The following FAM135B variants were observed in gnomAD, a reference collection of about 807,000 sequenced individuals.
FAM135B encodes family with sequence similarity 135 member B.
A neutral mutation model predicts 127.7 loss-of-function variants in FAM135B; 43 were observed. That is an observed-to-expected ratio of 0.34 (90% CI 0.26 to 0.43). The LOEUF (loss-of-function observed/expected upper bound fraction) is 0.43. Ranked by LOEUF, FAM135B falls within the 20% of genes least tolerant of loss-of-function variation. The pLI is 1.00. For missense variants in FAM135B, 1,558 were observed against 1,725.6 expected (o/e 0.90, Z 1.72); for synonymous variants, 670 against 665.1 (o/e 1.01, Z -0.11).
intron 1 of FAM135B, among the ~76,000 whole-genome samples, chr8:138,423,660 A>T (rs1274141412): frequency 6.6e-6 from 1 of 152,170 alleles, no homozygotes; most frequent in Non-Finnish European, 1.5e-5. Flanking sequence ...GGGCAAAATT[A>T]AAATTGCTAA....
intron 12 of FAM135B, among the ~76,000 whole-genome samples, chr8:138,156,377 T>A (rs760732316): frequency 1.0e-3 from 154 of 152,056 alleles, no homozygotes; most frequent in Admixed American, 2.3e-3. Flanking sequence ...AACATCACAC[T>A]TAAAAGAACT....
chr8:138,159,520 C>T (rs1178544358), intron 12 of FAM135B, among the ~76,000 whole-genome samples: 2 of 149,700 alleles, frequency 1.3e-5, no homozygotes, highest in Admixed American at 6.7e-5. Context: ...AACCAAACAC[C>T]ACATGTTCTC....
chr8:138,188,204 G>C (rs1815762659), intron 9 of FAM135B, among the ~76,000 whole-genome samples: 1 of 152,164 alleles, frequency 6.6e-6, no homozygotes, highest in Non-Finnish European at 1.5e-5. Flanking sequence ...TCATAGAACA[G>C]GTATAGTAAG....
intron 1 of FAM135B, among the ~76,000 whole-genome samples, chr8:138,488,832 A>G (rs768587974): frequency 6.6e-6 from 1 of 151,888 alleles, no homozygotes; most frequent in Non-Finnish European, 1.5e-5. Context: ...ACACCCAGCT[A>G]ATTTTCGTAT....
chr8:138,202,104 A>G (rs1817174638), intron 7 of FAM135B, among the ~76,000 whole-genome samples: 1 of 136,294 alleles, frequency 7.3e-6, no homozygotes, highest in South Asian at 2.5e-4. Flanking sequence ...CAGCCTGGGC[A>G]ACAAGAATGA....
At chr8:138,348,589 A>G (rs1829571843) in intron 2 of FAM135B, among the ~76,000 whole-genome samples, 1 of 152,172 alleles carries the variant, frequency 6.6e-6, no homozygotes, top group South Asian at 2.1e-4. Flanking sequence ...AACTATATTA[A>G]CACATCTTCT....
intron 15 of FAM135B, chr8:138,144,202 C>G (rs989817389): frequency 1.3e-5 from 2 of 152,246 alleles, no homozygotes; most frequent in Non-Finnish European, 2.9e-5. Context: ...AGGCAGATCA[C>G]GAAGTCAGGA....
intron 9 of FAM135B, among the ~76,000 whole-genome samples, chr8:138,190,643 A>G (rs6989297): frequency 0.75 from 113,634 of 152,152 alleles, 42,881 homozygotes; most frequent in East Asian, 0.86. Flanking sequence ...TCTGATGTGG[A>G]AGAGAATTAA....
chr8:138,239,167 G>T (rs1236720165), intron 7 of FAM135B, among the ~76,000 whole-genome samples: 1 of 152,154 alleles, frequency 6.6e-6, no homozygotes, highest in Non-Finnish European at 1.5e-5. Context: ...AAGTTTCCCA[G>T]TCCCACCAAC....
At chr8:138,418,943 AATAAAGTCTAC>A (rs1207418820) in intron 1 of FAM135B, among the ~76,000 whole-genome samples, 1 of 152,078 alleles carries the variant, frequency 6.6e-6, no homozygotes, top group African/African-American at 2.4e-5. Context: ...ACAACTACAC[AATAAAGTCTAC>A]ATAATAACTA....
chr8:138,322,666 T>C (rs1474125424), intron 2 of FAM135B, among the ~76,000 whole-genome samples: 1 of 152,204 alleles, frequency 6.6e-6, no homozygotes. Context: ...TATTTTCTTA[T>C]ATGGCCAGGT....
intron 3 of FAM135B, 52 bp from the exon 4 acceptor site, chr8:138,265,894 C>T (rs755926844): frequency 2.6e-6 from 4 of 1,563,398 alleles, no homozygotes; most frequent in Non-Finnish European, 3.5e-6. Flanking sequence ...TGTCCTGTAC[C>T]TGCAGCCCTG....
At chr8:138,294,110 T>G (rs1039908655) in intron 3 of FAM135B, among the ~76,000 whole-genome samples, 1 of 151,866 alleles carries the variant, frequency 6.6e-6, no homozygotes, top group Non-Finnish European at 1.5e-5. Flanking sequence ...TCAGGTGGAG[T>G]TGGAGGCCAT....
At chr8:138,487,212 A>G (rs1454982574) in intron 1 of FAM135B, among the ~76,000 whole-genome samples, 1 of 152,118 alleles carries the variant, frequency 6.6e-6, no homozygotes, top group Non-Finnish European at 1.5e-5. Flanking sequence ...TTCACCAGAG[A>G]ATACAATCAC....
chr8:138,357,976 T>C (rs1243295696), intron 2 of FAM135B, among the ~76,000 whole-genome samples: 1 of 152,128 alleles, frequency 6.6e-6, no homozygotes, highest in Non-Finnish European at 1.5e-5. Flanking sequence ...CAAGACTGGG[T>C]AATTTAATGA....
intron 7 of FAM135B, among the ~76,000 whole-genome samples, chr8:138,206,431 C>T (rs1229551064): frequency 4.9e-4 from 72 of 146,028 alleles, no homozygotes; most frequent in Non-Finnish European, 6.4e-4. Context: ...CTACACACAG[C>T]TCTATCATCC....
chr8:138,291,878 T>C (rs1825140356), intron 3 of FAM135B, among the ~76,000 whole-genome samples: 2 of 152,082 alleles, frequency 1.3e-5, no homozygotes, highest in Admixed American at 6.6e-5. Flanking sequence ...AACAAGGGTG[T>C]CCATTATTAC....
chr8:138,162,017 T>C (rs1819452056), intron 12 of FAM135B, among the ~76,000 whole-genome samples: 1 of 152,156 alleles, frequency 6.6e-6, no homozygotes, highest in African/African-American at 2.4e-5. Context: ...CTCATTATTG[T>C]TTGCATTGGT....
At chr8:138,237,034 C>T (rs1462783136) in intron 7 of FAM135B, among the ~76,000 whole-genome samples, 1 of 152,126 alleles carries the variant, frequency 6.6e-6, no homozygotes, top group Non-Finnish European at 1.5e-5. Context: ...CACCAGGCTG[C>T]CATTCCTCCG....
Sources: gnomAD v4.1 joint callset for allele counts (sites outside exome capture counted in the v4.1 genomes callset) on GRCh38, gnomAD v4.1.1 for gene constraint, MANE v1.5 for transcripts, NCBI Gene and HGNC (gene_info 2026-07-23, HGNC 2026-07-21) for gene names.